PLA2G4F: variants seen among roughly 807,000 people sequenced by gnomAD.
The protein encoded by PLA2G4F is phospholipase A2 group IVF, also known as cytosolic phospholipase A2 zeta.
A neutral mutation model predicts 103.1 loss-of-function variants in PLA2G4F; 105 were observed. The observed-to-expected ratio is 1.02, with a 90% CI of 0.87 to 1.20. The LOEUF (loss-of-function observed/expected upper bound fraction) is 1.20. Ranked by LOEUF, PLA2G4F falls within the 50% of genes most tolerant of loss-of-function variation. The pLI, the probability that PLA2G4F is intolerant of heterozygous loss-of-function variation, is 0.00. For synonymous variants in PLA2G4F, 468 were observed against 441.1 expected, an observed-to-expected ratio of 1.06 and a Z score of -0.76; for missense variants, 1,155 against 1,075.9, an observed-to-expected ratio of 1.07 and a Z score of -1.03.
In PLA2G4F at chr15:42,155,566, G is replaced by T. The variant is rs2049007531; in HGVS notation, c.135C>A (p.Asp45Glu). Residue 45 changes from aspartate to glutamate, a missense_variant, in exon 2 of 20, where the codon GAC becomes GAA. This residue lies in a region of PLA2G4F where 370 missense variants were observed against 364.9 expected (regional missense o/e 1.01). Transcript: ENST00000397272. ...TGGCCCTCAGCACCTTCACCTGGAG[G>T]TCATAGTATGGGTAGGTTTCCCGCT... ...HWRRETYPYY[D>E]LQVKVLRATN... 1 of 1,614,072 alleles carries T rather than the reference G, an allele frequency of 6.2e-7. No individual in the cohort carries two copies. Among genetic ancestry groups the T allele is most frequent in the Non-Finnish European group, 8.5e-7 (1 of 1,179,934 alleles).
chr15:42,154,165 G>T lies in PLA2G4F; in HGVS notation c.377C>A (p.Ser126Tyr), dbSNP rs781274539. Residue 126 changes from serine to tyrosine, a missense_variant, in exon 4 of 20, where the codon TCT (serine) becomes TAT (tyrosine). Ser to Tyr is a moderately radical substitution (Grantham distance 144). This residue lies in a region of PLA2G4F where 370 missense variants were observed against 364.9 expected (regional missense o/e 1.01). Coordinates refer to ENST00000397272, the MANE Select transcript of PLA2G4F (RefSeq NM_213600.4). ...GCTTCTCAGGTCAAACAGGAGCAGAGAGAGCTGGTCGCTGCCCAGGATGTC... is the reference window on the plus strand; with the variant it reads ...GCTTCTCAGGTCAAACAGGAGCAGATAGAGCTGGTCGCTGCCCAGGATGTC... The part of the protein sequence containing the change: ...DKDILGSDQL[S>Y]LLLFDLRSLK... 1.9e-6 allele frequency: 3 copies of T among 1,614,234 alleles called. No individual in the cohort carries two copies. Among genetic ancestry groups the T allele is most frequent in the Non-Finnish European group, 1.7e-6 (2 of 1,180,038 alleles).
chr15:42,152,589 A>T lies in PLA2G4F; in HGVS notation c.601+99T>A, dbSNP rs567743220. On this transcript the variant is annotated intron_variant, in intron 7 of 19. Transcript: ENST00000397272. ...TCGTTAGTCGGCTTTGAGCAATGAA[A>T]ACTTTAAGAACTTCCTGCCCCAGAC... 5.7e-5 allele frequency: 73 copies of T among 1,271,528 alleles called. No individual in the cohort carries two copies. The African/African-American group carries it at 9.9e-4, about 17-fold the overall frequency. The allele number at this position is 1,271,528 out of a possible 1,614,324, so 78.8% of individuals were successfully genotyped here.
At chr15:42,148,718 G>T (rs890178746) in intron 11 of PLA2G4F, 2 of 985,298 alleles carry the variant, frequency 2.0e-6, no homozygotes, top group Non-Finnish European at 2.4e-6. Flanking sequence ...AGGATCGGAG[G>T]TGCCTGAGGG....
At chr15:42,153,072 C>A (rs934028505) in intron 6 of PLA2G4F, among the ~76,000 whole-genome samples, 11 of 152,142 alleles carry the variant, frequency 7.2e-5, no homozygotes, top group Non-Finnish European at 1.3e-4. Flanking sequence ...CAGCCAGAGG[C>A]CCAAGTGAGT....
Position 42,145,564 on chromosome 15 carries a change from G to A in PLA2G4F, c.1780+11C>T, listed in dbSNP as rs181678765. The A allele has an allele frequency of 1.4e-4, 233 of 1,611,866 alleles. No individual in the cohort carries two copies. The highest frequency in any genetic ancestry group is 5.1e-4 in the African/African-American group (38 of 74,926). ...TGTGGTGTGGGAGGGGCTCGGGGTC[G>A]CTACCCTCACCTGTGATATTCACAC... On this transcript the variant is annotated intron_variant, in intron 16 of 19. Transcript: ENST00000397272.
In PLA2G4F at chr15:42,141,865, A is replaced by G; in HGVS notation, c.*119T>C. On this transcript the variant is annotated 3_prime_UTR_variant, in exon 20 of 20. Transcript: ENST00000397272. The stretch of plus-strand genomic sequence containing the variant: ...TCCGGGGCCTGGGGCACCTCGAGGC[A>G]GGTCCTGGAGAGAAGGGAAGCAGAT... The G allele has an allele frequency of 9.3e-7, 1 of 1,073,372 alleles. No homozygotes were observed. Among genetic ancestry groups the G allele is most frequent in the Non-Finnish European group, 1.3e-6 (1 of 744,462 alleles). 66.5% of individuals were successfully genotyped at this position (1,073,372 alleles called of 1,614,324 possible). A position where few individuals can be genotyped will look rare whatever the true frequency, so the allele number is the denominator to read the frequency against.
intron 1 of PLA2G4F, among the ~76,000 whole-genome samples, chr15:42,156,057 C>A (rs966051461): frequency 6.6e-6 from 1 of 152,112 alleles, no homozygotes; most frequent in Admixed American, 6.5e-5. Context: ...AGTCACCGGC[C>A]GGCCGGTACC....
intron 16 of PLA2G4F, among the ~76,000 whole-genome samples, chr15:42,145,205 T>G (rs1161245830): frequency 6.6e-6 from 1 of 152,188 alleles, no homozygotes; most frequent in East Asian, 1.9e-4. Flanking sequence ...AAATGACATC[T>G]GAGCTGAACT....
rs2048876989 is a variant in PLA2G4F at position 42,145,757 on chromosome 15, T to C, written c.1672+9A>G. ...CCTGCCTGTCCCCAGCCCTCCAGCC[T>C]CGACTCACCTTGCAGGTAACAGATC... is the stretch of plus-strand genomic sequence containing the variant. On this transcript the variant is annotated intron_variant, in intron 15 of 19. Coordinates refer to ENST00000397272, the MANE Select transcript of PLA2G4F (RefSeq NM_213600.4). 5.0e-6 allele frequency: 8 copies of C among 1,613,800 alleles called. No individual in the cohort carries two copies. Among genetic ancestry groups the C allele is most frequent in the Non-Finnish European group, 6.8e-6 (8 of 1,179,998 alleles).
intron 18 of PLA2G4F, 64 bp from the exon 19 acceptor site, chr15:42,142,778 C>T: frequency 6.5e-7 from 1 of 1,537,306 alleles, no homozygotes; most frequent in Non-Finnish European, 8.9e-7. Flanking sequence ...CCGCCCTGGA[C>T]TCACACACGC....
intron 11 of PLA2G4F, chr15:42,148,945 T>C (rs2048923331): frequency 2.0e-6 from 2 of 985,206 alleles, no homozygotes; most frequent in African/African-American, 1.7e-5. Flanking sequence ...CAATGAACGA[T>C]CTAGCCTTGT....
intron 7 of PLA2G4F, chr15:42,151,020 G>A: frequency 2.0e-6 from 2 of 985,448 alleles, no homozygotes; most frequent in Non-Finnish European, 2.4e-6. Flanking sequence ...ACAAATGCCT[G>A]GAGGGGAAGG....
Position 42,141,765 on chromosome 15 carries a change from A to C in PLA2G4F, c.*219T>G, listed in dbSNP as rs1374539448. 1 of 623,784 alleles carries C rather than the reference A, an allele frequency of 1.6e-6. No homozygotes were observed. Among genetic ancestry groups the C allele is most frequent in the Non-Finnish European group, 2.9e-6 (1 of 345,308 alleles). The allele number at this position is 623,784 out of a possible 1,614,324, so 38.6% of individuals were successfully genotyped here. On this transcript the variant is annotated 3_prime_UTR_variant, in exon 20 of 20. Coordinates refer to ENST00000397272, the MANE Select transcript of PLA2G4F (RefSeq NM_213600.4). ...TACATCCCCAAGAGTCCCTGGAGCG[A>C]TCTACTGCCCATCTTCTCCAAAAAC... is the stretch of plus-strand genomic sequence containing the variant.
rs779687849 is a variant in PLA2G4F at position 42,150,613 on chromosome 15, C to G, written c.766G>C (p.Val256Leu). The G allele has an allele frequency of 3.7e-6, 6 of 1,607,462 alleles. No homozygotes were observed. ...HVELMELLAA[V>L]QSGPSAELEA... ...CATCCTGGCGGCGCACTCACCTGCA[C>G]AGCTGCCAGCAGCTCCATCAGCTCC... Residue 256 changes from valine to leucine, a missense_variant, in exon 8 of 20, where the codon GTG becomes CTG. Transcript: ENST00000397272.
At chr15:42,142,265 C>G in intron 19 of PLA2G4F, 61 bp from the exon 20 acceptor site, 1 of 1,485,080 alleles carries the variant, frequency 6.7e-7, no homozygotes, top group Non-Finnish European at 9.2e-7. Flanking sequence ...CTGGCTGGAA[C>G]AGCCCAGAAG....
chr15:42,149,907 G>A, intron 10 of PLA2G4F, 59 bp from the exon 11 acceptor site: 1 of 1,588,274 alleles, frequency 6.3e-7, no homozygotes, highest in African/African-American at 1.3e-5. Flanking sequence ...CAGTGGAGGA[G>A]AGCCTTGGGC....
chr15:42,147,841 T>C (rs2048910866), intron 11 of PLA2G4F, 79 bp from the exon 12 acceptor site: 3 of 1,565,920 alleles, frequency 1.9e-6, no homozygotes, highest in Middle Eastern at 1.7e-4. Context: ...TGTAGGACAT[T>C]ATTCTAAGAG....
At chr15:42,142,247 C>T (rs1216515530) in intron 19 of PLA2G4F, 43 bp from the exon 20 acceptor site, 2 of 1,547,202 alleles carry the variant, frequency 1.3e-6, no homozygotes, top group Non-Finnish European at 8.8e-7. Flanking sequence ...ATGGAGCCCT[C>T]TGTGGAACTG....
At position 42,148,592 on chromosome 15, in the gene PLA2G4F, G is replaced by A. The variant is rs951372152; in HGVS notation, c.1060-830C>T. On this transcript the variant is annotated intron_variant, in intron 11 of 19. Coordinates refer to ENST00000397272, the MANE Select transcript of PLA2G4F (RefSeq NM_213600.4). ...ATGGATGAATGTCCCCAGGGGTGCG[G>A]TGGGGAGGAACTAAATTGTCCCCCG... 5.8e-5 allele frequency: 56 copies of A among 965,886 alleles called. 1 individual carries two copies. The South Asian group carries it at 2.0e-3, about 35-fold the overall frequency. 59.8% of individuals were successfully genotyped at this position (965,886 alleles called of 1,614,324 possible).
Sources: allele counts gnomAD v4.1 joint callset (sites outside exome capture counted in the v4.1 genomes callset), GRCh38; gene constraint gnomAD v4.1.1; regional missense constraint gnomAD v4.1.1; transcripts MANE v1.5; gene names NCBI Gene and HGNC (gene_info 2026-07-23, HGNC 2026-07-21).